PCDHGA4: variants seen among roughly 807,000 people sequenced by gnomAD.
The protein encoded by PCDHGA4 is protocadherin gamma subfamily A, 4.
PCDHGA4 carries 38 observed loss-of-function variants against 54.6 expected under a neutral mutation model. The ratio of observed to expected loss-of-function variants is 0.70; its 90% confidence interval spans 0.54 to 0.91. The LOEUF is 0.91. Among genes scored for constraint, PCDHGA4 ranks in the 40% least tolerant of loss-of-function variants. The pLI is 0.00. For missense variants in PCDHGA4, 1,298 were observed against 1,220.9 expected, an observed-to-expected ratio of 1.06 and a Z score of -0.94; for synonymous variants, 511 against 512.9, an observed-to-expected ratio of 1.00 and a Z score of 0.05.
intron 1 of PCDHGA4, chr5:141,394,309 C>T (rs2092971552): frequency 6.2e-7 from 1 of 1,613,992 alleles, no homozygotes; most frequent in Non-Finnish European, 8.5e-7. Flanking sequence ...CTGCAGGGGG[C>T]GCCCCTGTCC....
At chr5:141,361,473 C>T (rs374176708) in intron 1 of PCDHGA4, 2 of 1,614,024 alleles carry the variant, frequency 1.2e-6, no homozygotes, top group Admixed American at 1.7e-5. Flanking sequence ...CCGACGTCAA[C>T]GATAATGCCC....
intron 2 of PCDHGA4, 35 bp from the exon 3 acceptor site, chr5:141,505,358 G>A (rs1156448862): frequency 6.2e-7 from 1 of 1,613,796 alleles, no homozygotes; most frequent in Non-Finnish European, 8.5e-7. Context: ...GTGCCGGCCT[G>A]GGAGTCTGTG....
At chr5:141,437,930 G>A (rs142381129) in intron 1 of PCDHGA4, among the ~76,000 whole-genome samples, 2,019 of 152,152 alleles carry the variant, frequency 0.013, 16 homozygotes, top group Middle Eastern at 0.034. Context: ...TAGAGATGGG[G>A]TTTCACCATA....
At position 141,505,413 on chromosome 5, in the gene PCDHGA4, C is replaced by A; in HGVS notation, c.2594C>A (p.Thr865Asn). ...CCCAGCTCCCAAAATGGCGATGACACCGGCACCTGGCCCAACAACCAGTTT... is the reference window on the plus strand; with the variant it reads ...CCCAGCTCCCAAAATGGCGATGACAACGGCACCTGGCCCAACAACCAGTTT... ...GTSGSQNGDD[T>N]GTWPNNQFDT... Residue 865 changes from threonine to asparagine, a missense_variant, in exon 3 of 4, where the codon ACC becomes AAC. Physicochemically the swap from Thr to Asn is moderately conservative, Grantham distance 65 (BLOSUM62 0). Coordinates refer to ENST00000571252, the MANE Select transcript of PCDHGA4 (RefSeq NM_018917.4). 1 of 1,614,202 alleles carries A rather than the reference C, an allele frequency of 6.2e-7. No homozygotes were observed. Among genetic ancestry groups the A allele is most frequent in the Non-Finnish European group, 8.5e-7 (1 of 1,180,046 alleles).
chr5:141,420,111 C>T (rs747723647), intron 1 of PCDHGA4: 1 of 1,613,966 alleles, frequency 6.2e-7, no homozygotes, highest in African/African-American at 1.3e-5. Flanking sequence ...TTGCCCTATG[C>T]CTATAATTTT....
At chr5:141,510,860 G>A (rs1274817106) in intron 3 of PCDHGA4, 87 bp from the exon 4 acceptor site, 11 of 1,606,558 alleles carry the variant, frequency 6.8e-6, no homozygotes, top group South Asian at 4.4e-5. Context: ...GTGCTGTATA[G>A]GCATTCATTA....
intron 1 of PCDHGA4, among the ~76,000 whole-genome samples, chr5:141,481,692 G>A (rs1231630072): frequency 3.3e-5 from 5 of 152,020 alleles, no homozygotes; most frequent in East Asian, 1.9e-4. Context: ...GGTGGCTCAC[G>A]CCTGTAATCC....
chr5:141,388,619 C>A (rs369637121), intron 1 of PCDHGA4: 1 of 1,613,852 alleles, frequency 6.2e-7, no homozygotes, highest in Admixed American at 1.7e-5. Flanking sequence ...TCAGTCAAGA[C>A]GTATACAGGG....
chr5:141,463,500 G>A (rs866521006), intron 1 of PCDHGA4, among the ~76,000 whole-genome samples: 30 of 139,838 alleles, frequency 2.1e-4, no homozygotes, highest in African/African-American at 7.0e-4. Context: ...CCAGGCTGGA[G>A]TGACGTGGCG....
At chr5:141,468,063 A>G (rs2099157033) in intron 1 of PCDHGA4, among the ~76,000 whole-genome samples, 1 of 152,064 alleles carries the variant, frequency 6.6e-6, no homozygotes, top group South Asian at 2.1e-4. Flanking sequence ...AGTGGCTCAC[A>G]CCTGTAATCC....
In PCDHGA4 at chr5:141,491,272, A is replaced by G. The variant is rs2099710110; in HGVS notation, c.2515-3535A>G. On this transcript the variant is annotated intron_variant, in intron 1 of 3. Transcript: ENST00000571252. The surrounding 1 kb of genome is among the most constrained non-coding windows in gnomAD (Gnocchi z 6.9). The stretch of plus-strand genomic sequence containing the variant: ...GGACCCTGAGGAAATGCCCAAATCC[A>G]GTGACTTCCTCATACACCCTCCTGA... The G allele has an allele frequency of 1.2e-6, 2 of 1,614,084 alleles. No homozygotes were observed. Among genetic ancestry groups the G allele is most frequent in the Non-Finnish European group, 1.7e-6 (2 of 1,179,928 alleles).
At position 141,501,332 on chromosome 5, in the gene PCDHGA4, CA is replaced by C. The variant is rs1257793029; in HGVS notation, c.2574-4060del. 1.8e-3 allele frequency among the ~76,000 whole-genome samples: 265 copies of C among 149,784 alleles called. 1 individual carries two copies. The highest frequency in any genetic ancestry group is 5.2e-3 in the African/African-American group (209 of 40,512). On this transcript the variant is annotated intron_variant, in intron 2 of 3. Transcript: ENST00000571252. Reference sequence around the variant, plus strand: ...ACACACACACACACACACACACACACACCCCAAACTCAATAGGGCAAGAACC... The same window carrying C: ...ACACACACACACACACACACACACACCCCCAAACTCAATAGGGCAAGAACC...
At chr5:141,397,546 T>C (rs576089094) in intron 1 of PCDHGA4, among the ~76,000 whole-genome samples, 2 of 152,300 alleles carry the variant, frequency 1.3e-5, no homozygotes, top group South Asian at 2.1e-4. Flanking sequence ...GAAATCAGTA[T>C]AGTATGAAGG....
intron 1 of PCDHGA4, chr5:141,394,033 G>C (rs1242755844): frequency 1.2e-6 from 2 of 1,613,422 alleles, no homozygotes; most frequent in Non-Finnish European, 1.7e-6. Context: ...TTAGTGACAA[G>C]GAAATATTTG....
At chr5:141,370,286 A>G in intron 1 of PCDHGA4, 1 of 968,422 alleles carries the variant, frequency 1.0e-6, no homozygotes, top group Admixed American at 2.9e-5. Context: ...CCATTAGAGA[A>G]CCCAAGCACA....
At chr5:141,467,747 C>T (rs56743829) in intron 1 of PCDHGA4, among the ~76,000 whole-genome samples, 7,097 of 152,110 alleles carry the variant, frequency 0.047, 213 homozygotes, top group Middle Eastern at 0.092. Context: ...CTGCAACCTC[C>T]GCCTCACATG....
In PCDHGA4 at chr5:141,431,892, A is replaced by G. The variant is rs1456048000; in HGVS notation, c.2515-62915A>G. The G allele has an allele frequency of 2.1e-5, 34 of 1,614,054 alleles. No homozygotes were observed. Among genetic ancestry groups the G allele is most frequent in the Non-Finnish European group, 2.7e-5 (32 of 1,179,972 alleles). ...AATGTAAATGACCAAGATTCTGAGG[A>G]AAACGGACAGGTGATCTGTTTCATC... is the stretch of plus-strand genomic sequence containing the variant. On this transcript the variant is annotated intron_variant, in intron 1 of 3. Transcript: ENST00000571252. The surrounding 1 kb of genome is among the most constrained non-coding windows in gnomAD (Gnocchi z 4.8).
intron 1 of PCDHGA4, chr5:141,388,956 G>A (rs1010974359): frequency 1.9e-6 from 3 of 1,613,964 alleles, no homozygotes; most frequent in South Asian, 1.1e-5. Flanking sequence ...TATGGAGGAC[G>A]CCGAGCTGGG....
intron 1 of PCDHGA4, chr5:141,415,543 G>A (rs1561758242): frequency 6.2e-7 from 1 of 1,614,130 alleles, no homozygotes; most frequent in East Asian, 2.2e-5. Context: ...GGAGAGCTGT[G>A]AGAAAAACGA....
Sources: allele counts gnomAD v4.1 joint callset (sites outside exome capture counted in the v4.1 genomes callset), GRCh38; gene constraint gnomAD v4.1.1; non-coding constraint Gnocchi (gnomAD v3.1); transcripts MANE v1.5; gene names NCBI Gene and HGNC (gene_info 2026-07-23, HGNC 2026-07-21).